Variants in THBS4 observed in about 807,000 individuals in gnomAD.
THBS4 encodes thrombospondin 4.
In THBS4, 90 loss-of-function variants were observed where a neutral mutation model predicts 115.7. The observed-to-expected ratio is 0.78, with a 90% CI of 0.66 to 0.93. THBS4 has a LOEUF of 0.93. Ranked by LOEUF, THBS4 falls within the 40% of genes least tolerant of loss-of-function variation. The pLI is 0.00. For synonymous variants in THBS4, 460 were observed against 479.3 expected (o/e 0.96, Z 0.53); for missense variants, 1,087 against 1,232.7 (o/e 0.88, Z 1.77).
intron 2 of THBS4, among the ~76,000 whole-genome samples, chr5:80,026,445 A>T (rs1318626643): frequency 6.6e-6 from 1 of 152,192 alleles, no homozygotes; most frequent in African/African-American, 2.4e-5. Flanking sequence ...ATATTAATGG[A>T]CAAGGATTGC....
intron 1 of THBS4, among the ~76,000 whole-genome samples, chr5:79,997,291 A>G (rs900585540): frequency 1.2e-4 from 19 of 152,276 alleles, no homozygotes; most frequent in African/African-American, 4.3e-4. Context: ...TCCCTCAGAA[A>G]CTTCCTTCAA....
intron 1 of THBS4, among the ~76,000 whole-genome samples, chr5:79,994,281 A>C (rs759005211): frequency 6.6e-6 from 1 of 152,174 alleles, no homozygotes; most frequent in Non-Finnish European, 1.5e-5. Flanking sequence ...CCATATAGCC[A>C]GTAGGTGGTA....
chr5:80,050,384 G>T (rs1261747073), intron 2 of THBS4, among the ~76,000 whole-genome samples: 1 of 152,146 alleles, frequency 6.6e-6, no homozygotes, highest in Non-Finnish European at 1.5e-5. Flanking sequence ...GGCTGGAAAT[G>T]AAATCATAGT....
intron 17 of THBS4, 146 bp from the exon 18 acceptor site, chr5:80,078,774 TA>T: frequency 1.5e-6 from 1 of 650,022 alleles, no homozygotes; most frequent in Non-Finnish European, 2.5e-6. Context: ...CATAACACAA[TA>T]GAGCAACTAT....
intron 2 of THBS4, among the ~76,000 whole-genome samples, chr5:80,048,609 CTG>C (rs1233650533): frequency 1.3e-5 from 2 of 148,566 alleles, no homozygotes; most frequent in Non-Finnish European, 3.0e-5. Context: ...AGCATAATTG[CTG>C]TGTTTCCTTT....
At chr5:80,051,949 A>G (rs892670159) in intron 2 of THBS4, among the ~76,000 whole-genome samples, 3 of 152,208 alleles carry the variant, frequency 2.0e-5, no homozygotes, top group African/African-American at 7.2e-5. Flanking sequence ...AGAAAAATCA[A>G]GAGTTTTTGT....
intron 5 of THBS4, 152 bp downstream of exon 5, chr5:80,058,942 G>T: frequency 1.4e-6 from 1 of 693,378 alleles, no homozygotes. Flanking sequence ...GGGCTCTGCT[G>T]GAAGTTCTCT....
intron 2 of THBS4, among the ~76,000 whole-genome samples, chr5:80,011,527 G>C (rs1265203163): frequency 6.6e-6 from 1 of 152,162 alleles, no homozygotes; most frequent in Admixed American, 6.5e-5. Context: ...TCAGCTTATT[G>C]ACTGTTGTAG....
chr5:80,073,241 C>CAGGA, intron 14 of THBS4, 34 bp from the exon 15 acceptor site: 1 of 1,610,538 alleles, frequency 6.2e-7, no homozygotes, highest in Non-Finnish European at 8.5e-7. Flanking sequence ...CATGCAGGCC[C>CAGGA]AGGAATAAAT....
In THBS4 at chr5:80,071,085, C is replaced by T. The variant is rs1275385967; in HGVS notation, c.1625C>T (p.Ala542Val). Residue 542 changes from alanine (A) to valine (V), a missense_variant, in exon 13 of 22, where the codon GCC becomes GTC. Around this residue, in one of 3 missense-constraint regions of THBS4, gnomAD observed 979 missense variants for 1,103.7 expected, o/e 0.89. Transcript: ENST00000350881. ...RNSDKDIFGD[A>V]CDNCLSVLNN... is the part of the protein sequence containing the mutation. ...AGCGATAAAGATATCTTTGGGGATG[C>T]CTGTGATAACTGCCTGAGTGTCTTA... 1.9e-6 allele frequency: 3 copies of T among 1,612,702 alleles called. No homozygotes were observed. The highest frequency in any genetic ancestry group is 2.5e-6 in the Non-Finnish European group (3 of 1,179,756).
chr5:80,005,486 C>T (rs1382524781), intron 2 of THBS4, among the ~76,000 whole-genome samples: 1 of 152,102 alleles, frequency 6.6e-6, no homozygotes, highest in Non-Finnish European at 1.5e-5. Context: ...TTTTAATATA[C>T]CCAAACCACA....
At position 80,035,717 on chromosome 5, in the gene THBS4, G is replaced by A; in HGVS notation, c.88+92G>A. The stretch of plus-strand genomic sequence containing the variant: ...GGGACTTGCTCGGCCCTGTGCTCCT[G>A]TGGCCTTGCTCAGCCCCTCTCTGTC... On this transcript the variant is annotated intron_variant, in intron 1 of 21. Transcript: ENST00000350881. This position sits in a 1 kb window ranked among gnomAD's most constrained non-coding sequence, Gnocchi z 4.6. The A allele has an allele frequency of 1.1e-6, 1 of 929,992 alleles. No homozygotes were observed. Among genetic ancestry groups the A allele is most frequent in the Non-Finnish European group, 1.4e-6 (1 of 704,612 alleles). 57.6% of individuals were successfully genotyped at this position (929,992 alleles called of 1,614,324 possible).
At chr5:80,018,667 T>C (rs1832300552) in intron 2 of THBS4, among the ~76,000 whole-genome samples, 1 of 152,186 alleles carries the variant, frequency 6.6e-6, no homozygotes, top group South Asian at 2.1e-4. Flanking sequence ...AGTGCTAGGA[T>C]TACAGGTGTG....
At position 80,080,627 on chromosome 5, in the gene THBS4, G is replaced by T. The variant is rs1170338796; in HGVS notation, c.2684+550G>T. Among the ~76,000 whole-genome samples, 3 of 108,724 alleles carry T rather than the reference G, an allele frequency of 2.8e-5. No individual in the cohort carries two copies. The East Asian group carries it at 9.2e-4, about 33-fold the overall frequency. The allele number at this position is 108,724 out of a possible 152,430, so 71.3% of individuals were successfully genotyped here. On this transcript the variant is annotated intron_variant, in intron 20 of 21. Transcript: ENST00000350881. ...TTTGGAGACGGAATCCCACTCTGTT[G>T]CCAGGCAGGAGTACTGTGGCGTGAT...
chr5:80,036,101 A>G, intron 1 of THBS4: 1 of 986,728 alleles, frequency 1.0e-6, no homozygotes, highest in Non-Finnish European at 1.2e-6. Context: ...TGCCACCTGC[A>G]TTTTCTGCTC....
In THBS4 at chr5:80,071,148, G is replaced by A. The variant is rs1354566351; in HGVS notation, c.1688G>A (p.Gly563Glu). 1 of 1,596,362 alleles carries A rather than the reference G, an allele frequency of 6.3e-7. No individual in the cohort carries two copies. The highest frequency in any genetic ancestry group is 8.5e-7 in the Non-Finnish European group (1 of 1,175,092). Reference protein sequence around the residue: ...DQKDTDGDGRGDACDDDMDGD... With the variant: ...DQKDTDGDGREDACDDDMDGD... ...AAAGACACCGATGGGGATGGAAGAG[G>A]AGATGCCTGTGATGATGACATGGAT... The change falls in exon 13 of 22, where the codon GGA becomes GAA. Residue 563 changes from glycine to glutamate, a missense_variant. Physicochemically the swap from Gly to Glu is moderately conservative, Grantham distance 98. Around this residue, in one of 3 missense-constraint regions of THBS4, gnomAD observed 979 missense variants for 1,103.7 expected, o/e 0.89. Coordinates refer to ENST00000350881, the MANE Select transcript of THBS4 (RefSeq NM_003248.6).
At chr5:80,058,593 T>C in intron 4 of THBS4, 115 bp from the exon 5 acceptor site, 1 of 900,794 alleles carries the variant, frequency 1.1e-6, no homozygotes, top group Non-Finnish European at 1.8e-6. Context: ...ATTCAAAGAT[T>C]CTGGGTTTTT....
At chr5:80,073,469 C>T (rs893478193) in intron 15 of THBS4, 142 bp downstream of exon 15, 4 of 731,008 alleles carry the variant, frequency 5.5e-6, no homozygotes, top group African/African-American at 3.6e-5. Context: ...CTGCAAGCTC[C>T]GATTCCCAGG....
intron 7 of THBS4, among the ~76,000 whole-genome samples, chr5:80,060,132 G>C (rs1833584073): frequency 6.6e-6 from 1 of 152,146 alleles, no homozygotes; most frequent in Non-Finnish European, 1.5e-5. Flanking sequence ...CTCTTCTACT[G>C]GTCCATTGGC....
Sources: gnomAD v4.1 joint callset for allele counts (sites outside exome capture counted in the v4.1 genomes callset) on GRCh38, gnomAD v4.1.1 for gene constraint, gnomAD v4.1.1 regional missense constraint, Gnocchi (gnomAD v3.1) non-coding constraint, MANE v1.5 for transcripts, NCBI Gene and HGNC (gene_info 2026-07-23, HGNC 2026-07-21) for gene names.